Variants in ASXL3 observed in about 807,000 individuals in gnomAD.
ASXL3 encodes putative Polycomb group protein ASXL3.
ASXL3 carries 34 observed loss-of-function variants against 170.6 expected under a neutral mutation model. The ratio of observed to expected loss-of-function variants is 0.20; its 90% CI spans 0.15 to 0.27. The LOEUF (loss-of-function observed/expected upper bound fraction) is 0.27, where lower values mean the gene tolerates loss of function less well. Among genes scored for constraint, ASXL3 ranks in the 10% least tolerant of loss-of-function variants. ASXL3 has a pLI of 1.00. For missense variants in ASXL3, 2,592 were observed against 2,695.3 expected (o/e 0.96, Z 0.85); for synonymous variants, 1,002 against 989.1 (o/e 1.01, Z -0.24).
At chr18:33,589,383 T>TG (rs1470993180) in intron 1 of ASXL3, among the ~76,000 whole-genome samples, 1 of 152,196 alleles carries the variant, frequency 6.6e-6, no homozygotes, top group Non-Finnish European at 1.5e-5. Flanking sequence ...ACTCTAGACT[T>TG]GCCTTCACTG....
intron 4 of ASXL3, among the ~76,000 whole-genome samples, chr18:33,659,954 C>T (rs1043238297): frequency 3.3e-5 from 5 of 152,090 alleles, no homozygotes; most frequent in Non-Finnish European, 5.9e-5. Flanking sequence ...TGACTTGTTT[C>T]CCCCTGCCTT....
chr18:33,680,277 T>C (rs2145277761), intron 7 of ASXL3, among the ~76,000 whole-genome samples: 1 of 152,218 alleles, frequency 6.6e-6, no homozygotes, highest in East Asian at 1.9e-4. Context: ...TATTAGATAA[T>C]TGATACCTTT....
At chr18:33,629,407 C>A (rs903711501) in intron 2 of ASXL3, among the ~76,000 whole-genome samples, 1 of 151,988 alleles carries the variant, frequency 6.6e-6, no homozygotes, top group Non-Finnish European at 1.5e-5. Context: ...TGTGATATCC[C>A]AAGTTGTGTT....
chr18:33,723,533 C>A (rs1447201195), intron 8 of ASXL3, among the ~76,000 whole-genome samples: 1 of 152,102 alleles, frequency 6.6e-6, no homozygotes, highest in Non-Finnish European at 1.5e-5. Flanking sequence ...ATGAAACTTT[C>A]ACAAGTGAGG....
At position 33,743,085 on chromosome 18, in the gene ASXL3, A is replaced by G; in HGVS notation, c.3237A>G (p.Ala1079=). The part of the protein sequence containing the change: ...EAAAAAAVAA[A]ASIVSGAMGS... ...CTGCAGCTGCTGCTGTGGCTGCTGC[A>G]GCGAGCATTGTCTCTGGAGCCATGG... Residue 1079 remains alanine, a synonymous_variant, in exon 12 of 12, where the codon GCA becomes GCG. Coordinates refer to ENST00000269197, the MANE Select transcript of ASXL3 (RefSeq NM_030632.3). 6.2e-7 allele frequency: 1 copy of G among 1,613,442 alleles called. No homozygotes were observed. The highest frequency in any genetic ancestry group is 8.5e-7 in the Non-Finnish European group (1 of 1,179,772).
intron 1 of ASXL3, among the ~76,000 whole-genome samples, chr18:33,591,984 G>A (rs1283196025): frequency 6.6e-6 from 1 of 151,996 alleles, no homozygotes; most frequent in African/African-American, 2.4e-5. Context: ...AGTAGGAAAT[G>A]AACTCATGAA....
chr18:33,750,612 ACATTAGC>A lies in ASXL3; in HGVS notation c.*4022_*4028del, dbSNP rs2067870645. 1 of 149,816 alleles carries A rather than the reference ACATTAGC, an allele frequency of 6.7e-6. No individual in the cohort carries two copies. Among genetic ancestry groups the A allele is most frequent in the South Asian group, 2.1e-4 (1 of 4,760 alleles). The allele number at this position is 149,816 out of a possible 1,614,324, so 9.3% of individuals were successfully genotyped here. On this transcript the variant is annotated 3_prime_UTR_variant, in exon 12 of 12. Coordinates refer to ENST00000269197, the MANE Select transcript of ASXL3 (RefSeq NM_030632.3). The stretch of plus-strand genomic sequence containing the variant: ...TATTCTGAATGTTTACATCTGTTTG[ACATTAGC>A]CATTTAATGCCTTTTTTAAAGGCGG...
chr18:33,689,671 G>T (rs887504172), intron 8 of ASXL3, among the ~76,000 whole-genome samples: 3 of 152,192 alleles, frequency 2.0e-5, no homozygotes, highest in African/African-American at 7.2e-5. Flanking sequence ...CTGTTAGGTG[G>T]CACACAACTT....
At chr18:33,673,138 A>G (rs2066372016) in intron 7 of ASXL3, among the ~76,000 whole-genome samples, 1 of 152,162 alleles carries the variant, frequency 6.6e-6, no homozygotes, top group Non-Finnish European at 1.5e-5. Flanking sequence ...AATGATAGAT[A>G]AAGAATATAC....
rs973844363 is a variant in ASXL3, at chr18:33,743,050, C to A, written c.3202C>A (p.Arg1068=). 7.4e-6 allele frequency: 12 copies of A among 1,613,158 alleles called. No individual in the cohort carries two copies. The highest frequency in any genetic ancestry group is 1.0e-5 in the Non-Finnish European group (12 of 1,179,700). ...CCGGGCCCAACAAGCTCGGGCCCAG[C>A]GAGAGGCTGCTGCAGCTGCTGCTGT... is the stretch of plus-strand genomic sequence containing the variant. ...KARAQQARAQ[R]EAAAAAAVAA... Residue 1068 remains arginine (R), a synonymous_variant, in exon 12 of 12, where the codon CGA becomes AGA. Coordinates refer to ENST00000269197, the MANE Select transcript of ASXL3 (RefSeq NM_030632.3).
At chr18:33,672,073 G>A (rs1343672310) in intron 7 of ASXL3, among the ~76,000 whole-genome samples, 1 of 152,154 alleles carries the variant, frequency 6.6e-6, no homozygotes, top group Non-Finnish European at 1.5e-5. Context: ...ATTTGTGAAT[G>A]ATAATATTGG....
chr18:33,728,953 G>A (rs2067395898), intron 8 of ASXL3, among the ~76,000 whole-genome samples: 1 of 152,090 alleles, frequency 6.6e-6, no homozygotes, highest in Non-Finnish European at 1.5e-5. Flanking sequence ...TATTGAAAAA[G>A]GTAATACATA....
Position 33,679,038 on chromosome 18 carries a change from A to G in ASXL3, c.716-4367A>G, listed in dbSNP as rs187430896. Among the ~76,000 whole-genome samples the G allele has an allele frequency of 3.3e-5, 5 of 151,798 alleles. No homozygotes were observed. In the East Asian group the frequency reaches 5.8e-4, roughly 18 times the overall value. On this transcript the variant is annotated intron_variant, in intron 7 of 11. Coordinates refer to ENST00000269197, the MANE Select transcript of ASXL3 (RefSeq NM_030632.3). ...CTAAATAATAGCAGTGTAAGTTCCT[A>G]TTTCTCACATTGCTCATAACATGTT...
chr18:33,676,026 C>T (rs1477968198), intron 7 of ASXL3, among the ~76,000 whole-genome samples: 1 of 151,522 alleles, frequency 6.6e-6, no homozygotes, highest in Non-Finnish European at 1.5e-5. Flanking sequence ...AGATCGAGAC[C>T]ATCCTGGCTA....
intron 1 of ASXL3, among the ~76,000 whole-genome samples, chr18:33,602,327 T>C (rs2065192348): frequency 6.6e-6 from 1 of 152,168 alleles, no homozygotes; most frequent in African/African-American, 2.4e-5. Context: ...ATAAAGTACA[T>C]TTAAATAGAA....
At chr18:33,734,108 CTTCTAAAGCATTTAGCTTTAGCATTT>C in intron 9 of ASXL3, among the ~76,000 whole-genome samples, 176 bp from the exon 10 acceptor site, 1 of 144,890 alleles carries the variant, frequency 6.9e-6, no homozygotes, top group Non-Finnish European at 1.6e-5. Context: ...CTTTAGCATT[CTTCTAAAGCATTTAGCTTTAGCATTT>C]TTATGAACAT....
At chr18:33,634,326 CTTCT>C (rs2065733253) in intron 2 of ASXL3, among the ~76,000 whole-genome samples, 1 of 149,950 alleles carries the variant, frequency 6.7e-6, no homozygotes, top group Admixed American at 6.6e-5. Context: ...GGCATAGTTG[CTTCT>C]TTTTTTTTTT....
intron 2 of ASXL3, among the ~76,000 whole-genome samples, chr18:33,619,424 G>A (rs756149739): frequency 1.4e-5 from 2 of 145,246 alleles, no homozygotes; most frequent in African/African-American, 2.6e-5. Context: ...TTATACCCTA[G>A]TTGTAAATAG....
intron 8 of ASXL3, among the ~76,000 whole-genome samples, chr18:33,721,248 T>C (rs759790595): frequency 6.6e-6 from 1 of 152,066 alleles, no homozygotes; most frequent in African/African-American, 2.4e-5. Flanking sequence ...ACAGGTCATG[T>C]GGTGGGATCA....
Sources: gnomAD v4.1 joint callset for allele counts (sites outside exome capture counted in the v4.1 genomes callset) on GRCh38, gnomAD v4.1.1 for gene constraint, MANE v1.5 for transcripts, NCBI Gene and HGNC (gene_info 2026-07-23, HGNC 2026-07-21) for gene names.